CCSER1: variants seen among roughly 807,000 people sequenced by gnomAD.
CCSER1 encodes the protein serine-rich coiled-coil domain-containing protein 1.
Under a neutral mutation model 82.0 loss-of-function variants are expected in CCSER1, and 41 were observed. That is an observed-to-expected ratio of 0.50 (90% confidence interval 0.39 to 0.65). The LOEUF (loss-of-function observed/expected upper bound fraction) is 0.65, where lower values mean the gene tolerates loss of function less well. CCSER1 is among the 30% of genes least tolerant of loss of function. The pLI is 0.00. For missense variants in CCSER1, 1,119 were observed against 1,064.2 expected (o/e 1.05, Z -0.72); for synonymous variants, 414 against 383.9 (o/e 1.08, Z -0.92).
chr4:90,252,668 T>A (rs1376044211), intron 1 of CCSER1, among the ~76,000 whole-genome samples: 1 of 151,888 alleles, frequency 6.6e-6, no homozygotes, highest in Non-Finnish European at 1.5e-5. Flanking sequence ...AAATGTTCAA[T>A]TAAATTATTA....
chr4:90,383,888 C>G (rs1314871398), intron 3 of CCSER1, among the ~76,000 whole-genome samples: 3 of 151,878 alleles, frequency 2.0e-5, no homozygotes, highest in South Asian at 2.1e-4. Context: ...TGTGTCCTGC[C>G]ACCATGCCTG....
intron 8 of CCSER1, among the ~76,000 whole-genome samples, chr4:90,820,345 CAG>C (rs1759575942): frequency 6.6e-6 from 1 of 152,134 alleles, no homozygotes; most frequent in Admixed American, 6.6e-5. Context: ...TTTATAAAAA[CAG>C]AAATATATTT....
chr4:90,336,926 C>G (rs1740513747), intron 3 of CCSER1, among the ~76,000 whole-genome samples: 1 of 152,136 alleles, frequency 6.6e-6, no homozygotes, highest in African/African-American at 2.4e-5. Flanking sequence ...CAGACTGGCC[C>G]TAAGCCTAAA....
intron 10 of CCSER1, among the ~76,000 whole-genome samples, chr4:91,225,421 A>G (rs1738123647): frequency 6.9e-6 from 1 of 144,498 alleles, no homozygotes; most frequent in African/African-American, 2.5e-5. Context: ...ATATGAAAAT[A>G]TACAGTATTT....
rs1258907228 is a variant in CCSER1 at position 90,252,291 on chromosome 4, T to C, written c.-41-55953T>C. Among the ~76,000 whole-genome samples the C allele has an allele frequency of 4.6e-5, 7 of 152,090 alleles. No homozygotes were observed. In the East Asian group the frequency reaches 1.3e-3, roughly 29 times the overall value. ...GCATATTGTATTTTCAGATTTGAGA[T>C]GCTCAACCTATATATGTTTATGGAT... is the stretch of plus-strand genomic sequence containing the variant. On this transcript the variant is annotated intron_variant, in intron 1 of 10. Transcript: ENST00000509176.
At chr4:91,380,826 A>G (rs191083279) in intron 10 of CCSER1, among the ~76,000 whole-genome samples, 3 of 152,300 alleles carry the variant, frequency 2.0e-5, no homozygotes, top group East Asian at 1.9e-4. Flanking sequence ...TAGTTGATGC[A>G]GTTTCTTCCC....
chr4:90,664,129 G>A (rs1024915331), intron 6 of CCSER1, among the ~76,000 whole-genome samples: 1 of 152,048 alleles, frequency 6.6e-6, no homozygotes, highest in South Asian at 2.1e-4. Flanking sequence ...AAGAGTCAAA[G>A]GATTAATTTG....
intron 4 of CCSER1, among the ~76,000 whole-genome samples, chr4:90,441,478 T>G (rs977934793): frequency 9.9e-5 from 15 of 152,010 alleles, no homozygotes; most frequent in African/African-American, 3.6e-4. Flanking sequence ...TCTGGGGTCT[T>G]TTTTTTAAGG....
chr4:90,706,744 G>A (rs1261804169), intron 6 of CCSER1, among the ~76,000 whole-genome samples: 1 of 152,192 alleles, frequency 6.6e-6, no homozygotes, highest in East Asian at 1.9e-4. Flanking sequence ...TAAAGTTGAA[G>A]TATATTCTTT....
chr4:90,851,757 C>T (rs922110015), intron 8 of CCSER1, among the ~76,000 whole-genome samples: 1 of 152,072 alleles, frequency 6.6e-6, no homozygotes, highest in African/African-American at 2.4e-5. Flanking sequence ...ACTGTGGACA[C>T]TGTAAATCTT....
At chr4:91,592,767 TG>T (rs112181192) in intron 10 of CCSER1, among the ~76,000 whole-genome samples, 17,167 of 152,126 alleles carry the variant, frequency 0.11, 992 homozygotes, top group Middle Eastern at 0.18. Flanking sequence ...AGATGGCTAT[TG>T]GGGGATTGTT....
At chr4:91,537,914 G>A (rs1761380661) in intron 10 of CCSER1, among the ~76,000 whole-genome samples, 1 of 151,772 alleles carries the variant, frequency 6.6e-6, no homozygotes, top group African/African-American at 2.4e-5. Context: ...AACAGGATGT[G>A]CCCTGGTTCT....
At chr4:90,800,195 C>T (rs1348744023) in intron 7 of CCSER1, among the ~76,000 whole-genome samples, 1 of 152,150 alleles carries the variant, frequency 6.6e-6, no homozygotes, top group Non-Finnish European at 1.5e-5. Flanking sequence ...CACAAAAAGC[C>T]AGTAAGCATG....
chr4:90,601,434 T>C (rs1381367663), intron 5 of CCSER1, among the ~76,000 whole-genome samples: 2 of 152,080 alleles, frequency 1.3e-5, no homozygotes, highest in Non-Finnish European at 2.9e-5. Context: ...CACTTTTCTC[T>C]CCCTCCCCTC....
intron 10 of CCSER1, among the ~76,000 whole-genome samples, chr4:91,545,069 A>T (rs1281563336): frequency 6.6e-6 from 1 of 151,942 alleles, no homozygotes; most frequent in African/African-American, 2.4e-5. Context: ...TTACAGTTGG[A>T]TTTCAGACTG....
At chr4:90,932,982 G>GAAAGAAAGAAAGAAAGAGAGAGAA (rs771267852) in intron 9 of CCSER1, among the ~76,000 whole-genome samples, 1 of 18,856 alleles carries the variant, frequency 5.3e-5, no homozygotes, top group Non-Finnish European at 9.4e-5. Flanking sequence ...AAGAAAGAAA[G>GAAAGAAAGAAAGAAAGAGAGAGAA]AGAAAGAAAG....
At chr4:90,563,024 A>C (rs1026236259) in intron 5 of CCSER1, among the ~76,000 whole-genome samples, 2 of 151,980 alleles carry the variant, frequency 1.3e-5, no homozygotes, top group African/African-American at 4.8e-5. Context: ...TTTCTGTGAA[A>C]ATTTACCATT....
intron 10 of CCSER1, among the ~76,000 whole-genome samples, chr4:91,395,564 G>A (rs1751926603): frequency 6.6e-6 from 1 of 152,012 alleles, no homozygotes; most frequent in Non-Finnish European, 1.5e-5. Context: ...GAGTCCACAG[G>A]CTGAATTATA....
At chr4:91,580,354 G>A (rs923441361) in intron 10 of CCSER1, among the ~76,000 whole-genome samples, 33 of 151,700 alleles carry the variant, frequency 2.2e-4, no homozygotes, top group Non-Finnish European at 4.7e-4. Context: ...GCCAGGTATT[G>A]TGCTAAGCAC....
Sources: allele counts gnomAD v4.1 joint callset (sites outside exome capture counted in the v4.1 genomes callset), GRCh38; gene constraint gnomAD v4.1.1; transcripts MANE v1.5; gene names NCBI Gene and HGNC (gene_info 2026-07-23, HGNC 2026-07-21).